The following RTL4 variants were observed in gnomAD, a reference collection of about 807,000 sequenced individuals.
RTL4 encodes the protein retrotransposon Gag-like protein 4.
RTL4 carries 4 observed loss-of-function variants against 5.3 expected under a neutral mutation model. That is an observed-to-expected ratio of 0.75 (90% confidence interval 0.37 to 1.72). The LOEUF (loss-of-function observed/expected upper bound fraction) is 1.72, where lower values mean the gene tolerates loss of function less well. RTL4 is among the 40% of genes most tolerant of loss of function. RTL4 has a pLI of 0.04. For synonymous variants in RTL4, 98 were observed against 87.3 expected, an observed-to-expected ratio of 1.12 and a Z score of -0.68; for missense variants, 260 against 227.1, an observed-to-expected ratio of 1.14 and a Z score of -0.93.
At chrX:112,323,192 G>A in the RTL4 span, among the ~76,000 whole-genome samples, 8 of 112,118 alleles carry the variant, frequency 7.1e-5, no homozygotes, top group Non-Finnish European at 1.3e-4. Flanking sequence ...TTGTCAGTTT[G>A]ATGGGTTTAT....
the RTL4 span, among the ~76,000 whole-genome samples, chrX:112,244,192 T>A: frequency 8.9e-6 from 1 of 111,873 alleles, no homozygotes; most frequent in East Asian, 2.8e-4. Flanking sequence ...GTTGGAGAGT[T>A]CTGTAGATGT....
At chrX:112,161,844 C>CTTTCTT in the RTL4 span, among the ~76,000 whole-genome samples, 1 of 40,077 alleles carries the variant, frequency 2.5e-5, no homozygotes, top group Non-Finnish European at 4.3e-5. Context: ...TTCCTTCCTT[C>CTTTCTT]CTTTCTTTCT....
the RTL4 span, among the ~76,000 whole-genome samples, chrX:112,375,433 T>C: frequency 1.7e-3 from 194 of 111,420 alleles, no homozygotes; most frequent in African/African-American, 6.0e-3. Flanking sequence ...TTCAGTAATC[T>C]GGATGAGTTC....
the RTL4 span, among the ~76,000 whole-genome samples, chrX:112,255,536 A>G: frequency 9.0e-6 from 1 of 111,618 alleles, no homozygotes; most frequent in East Asian, 2.8e-4. Context: ...TGCGAGGATT[A>G]CTATTATGTA....
chrX:112,305,047 G>A, the RTL4 span, among the ~76,000 whole-genome samples: 25 of 110,804 alleles, frequency 2.3e-4, no homozygotes, highest in African/African-American at 7.8e-4. Context: ...TATGGATCTC[G>A]GCTGGGTAGA....
At chrX:112,087,598 T>C in the RTL4 span, among the ~76,000 whole-genome samples, 1 of 111,738 alleles carries the variant, frequency 8.9e-6, no homozygotes, top group African/African-American at 3.3e-5. Flanking sequence ...CAAGTCCTTA[T>C]GGACAGAGTA....
At chrX:112,197,470 GTAA>G in the RTL4 span, among the ~76,000 whole-genome samples, 1 of 67 alleles carries the variant, frequency 0.015, no homozygotes, top group African/African-American at 0.034. Context: ...AGCTCTCTAT[GTAA>G]TGTAGCCTTT....
At chrX:112,087,144 G>A in the RTL4 span, among the ~76,000 whole-genome samples, 5 of 111,065 alleles carry the variant, frequency 4.5e-5, no homozygotes, top group East Asian at 8.5e-4. Context: ...TAGTGACAGA[G>A]AAGGCTCCAA....
the RTL4 span, among the ~76,000 whole-genome samples, chrX:112,157,090 G>A: frequency 4.7e-3 from 518 of 109,611 alleles, 6 homozygotes; most frequent in African/African-American, 0.016. Context: ...GTGTGTGTGT[G>A]TGTGTGTGTG....
chrX:112,178,056 G>A, the RTL4 span, among the ~76,000 whole-genome samples: 35,132 of 109,254 alleles, frequency 0.32, 4,590 homozygotes, highest in African/African-American at 0.47. Flanking sequence ...TGTTTGACAT[G>A]TTTAACATAG....
At chrX:112,393,170 TTTTGTTTGTTTG>T in the RTL4 span, among the ~76,000 whole-genome samples, 1 of 99,239 alleles carries the variant, frequency 1.0e-5, no homozygotes, top group Admixed American at 1.0e-4. Flanking sequence ...TGTTTTTTTT[TTTTGTTTGTTTG>T]TTTGTTTGTT....
chrX:112,334,655 T>A, the RTL4 span, among the ~76,000 whole-genome samples: 2 of 112,235 alleles, frequency 1.8e-5, no homozygotes, highest in African/African-American at 3.2e-5. Context: ...TTCTGCTTCT[T>A]AATTAGAATG....
chrX:112,230,549 T>A, the RTL4 span, among the ~76,000 whole-genome samples: 1 of 112,163 alleles, frequency 8.9e-6, no homozygotes, highest in Non-Finnish European at 1.9e-5. Flanking sequence ...CACTCCCCAG[T>A]GAGATGAACC....
chrX:112,192,673 C>T, the RTL4 span, among the ~76,000 whole-genome samples: 2 of 111,108 alleles, frequency 1.8e-5, no homozygotes, highest in Non-Finnish European at 3.8e-5. Context: ...CTCTCTCTTC[C>T]ATTATGTTGT....
At chrX:112,172,322 C>T in the RTL4 span, among the ~76,000 whole-genome samples, 3 of 103,437 alleles carry the variant, frequency 2.9e-5, no homozygotes, top group East Asian at 9.1e-4. Flanking sequence ...AAGACTCTGT[C>T]AAAAAAAAAT....
chrX:112,094,256 G>T, the RTL4 span, among the ~76,000 whole-genome samples: 2 of 111,705 alleles, frequency 1.8e-5, no homozygotes, highest in Non-Finnish European at 3.8e-5. Context: ...GATCGAATAT[G>T]GTGGGTAAGC....
At chrX:112,199,047 G>A in the RTL4 span, among the ~76,000 whole-genome samples, 1 of 110,861 alleles carries the variant, frequency 9.0e-6, no homozygotes, top group African/African-American at 3.3e-5. Context: ...CCAGCACTTT[G>A]GGAGGCCGAG....
At chrX:112,215,433 T>A in the RTL4 span, among the ~76,000 whole-genome samples, 2 of 112,242 alleles carry the variant, frequency 1.8e-5, no homozygotes, top group African/African-American at 3.2e-5. Flanking sequence ...TTTCATATGA[T>A]TATCTGTGTT....
chrX:112,361,680 A>T, the RTL4 span, among the ~76,000 whole-genome samples: 4 of 110,746 alleles, frequency 3.6e-5, no homozygotes, highest in African/African-American at 1.3e-4. Flanking sequence ...GGACAATCTC[A>T]TGGAATGTCC....
Sources: gnomAD v4.1 joint callset for allele counts (sites outside exome capture counted in the v4.1 genomes callset) on GRCh38, gnomAD v4.1.1 for gene constraint, MANE v1.5 for transcripts, NCBI Gene and HGNC (gene_info 2026-07-23, HGNC 2026-07-21) for gene names.